Variants in MAP3K12 observed in about 807,000 individuals in gnomAD.
MAP3K12 encodes MAPK-upstream kinase.
MAP3K12 carries 14 observed loss-of-function variants against 87.5 expected under a neutral mutation model. The observed-to-expected ratio is 0.16, with a 90% CI of 0.11 to 0.25. The LOEUF (loss-of-function observed/expected upper bound fraction) is 0.25. MAP3K12 is among the 10% of genes least tolerant of loss of function. MAP3K12 has a pLI of 1.00. For missense variants in MAP3K12, 802 were observed against 1,140.4 expected (o/e 0.70, Z 4.27); for synonymous variants, 469 against 452.5 (o/e 1.04, Z -0.46).
At chr12:53,501,158 C>T (rs2137253291), upstream of MAP3K12, 4 of 552,834 alleles carry the variant, frequency 7.2e-6, no homozygotes, top group South Asian at 8.9e-5. Context: ...CGGCGGAGGG[C>T]CCGCTCCTCC....
At chr12:53,501,352 G>A, upstream of MAP3K12, 2 of 1,547,532 alleles carry the variant, frequency 1.3e-6, no homozygotes, top group Non-Finnish European at 1.7e-6. Context: ...CGTCGGCTGT[G>A]TATTGGGGCG....
chr12:53,492,756 CCCGCCCCCACCACCTCCCACT>C (rs1943447790), intron 1 of MAP3K12, among the ~76,000 whole-genome samples: 1 of 151,944 alleles, frequency 6.6e-6, no homozygotes. Context: ...AACCTCCCTC[CCCGCCCCCACCACCTCCCACT>C]CCGCCGCAAC....
chr12:53,482,278 T>C, intron 12 of MAP3K12, 21 bp downstream of exon 12: 1 of 1,614,072 alleles, frequency 6.2e-7, no homozygotes, highest in Non-Finnish European at 8.5e-7. Context: ...TGCCATTAAT[T>C]CTTGTAATGC....
chr12:53,495,945 A>C (rs946275229), intron 1 of MAP3K12, among the ~76,000 whole-genome samples: 2 of 152,096 alleles, frequency 1.3e-5, no homozygotes, highest in African/African-American at 4.8e-5. Flanking sequence ...CTATTTAGGA[A>C]AAAAGAATCA....
At chr12:53,496,463 T>G (rs775835050) in intron 1 of MAP3K12, among the ~76,000 whole-genome samples, 27 of 152,134 alleles carry the variant, frequency 1.8e-4, no homozygotes, top group Non-Finnish European at 3.2e-4. Flanking sequence ...CCCCTCAGCC[T>G]TACCCATGGA....
rs765169483 is a variant in MAP3K12, at chr12:53,483,152, G to T, written c.1651C>A (p.Leu551Ile). Residue 551 changes from leucine to isoleucine, a missense_variant, in exon 11 of 14, where the codon CTA (leucine) becomes ATA (isoleucine). Transcript: ENST00000547488. ...CCCACCCCACTCAGGGCTGCATCTAGTTTAGGGAGCAAAGACTCCGTCTTG... is the reference window on the plus strand; with the variant it reads ...CCCACCCCACTCAGGGCTGCATCTATTTTAGGGAGCAAAGACTCCGTCTTG... ...ILKTESLLPKLDAALSGVGLP... is the reference protein window; with the variant it reads ...ILKTESLLPKIDAALSGVGLP... 6.6e-7 allele frequency: 1 copy of T among 1,521,682 alleles called. No homozygotes were observed. Among genetic ancestry groups the T allele is most frequent in the Non-Finnish European group, 8.8e-7 (1 of 1,137,220 alleles). 94.3% of individuals were successfully genotyped at this position (1,521,682 alleles called of 1,614,324 possible). A position where few individuals can be genotyped will look rare whatever the true frequency, so the allele number is the denominator to read the frequency against.
In MAP3K12 at chr12:53,483,080, G is replaced by A. The variant is rs367940712; in HGVS notation, c.1723C>T (p.Arg575Cys). 6.5e-6 allele frequency: 10 copies of A among 1,537,208 alleles called. No individual in the cohort carries two copies. Among genetic ancestry groups the A allele is most frequent in the Admixed American group, 2.1e-5 (1 of 46,992 alleles). Residue 575 changes from arginine (R) to cysteine (C), a missense_variant, in exon 11 of 14, where the codon CGT becomes TGT. By Grantham distance (180) the Arg-to-Cys change is radical. Transcript: ENST00000547488. Reference protein sequence around the residue: ...KGPPSPGRSRRGKTRHRKASA... With the variant: ...KGPPSPGRSRCGKTRHRKASA... ...GCCTTGCGGTGACGGGTCTTGCCAC[G>A]GCGACTCCGTCCTGGTGAGGGGGGG...
chr12:53,495,426 T>C, intron 1 of MAP3K12, among the ~76,000 whole-genome samples: 1 of 141,674 alleles, frequency 7.1e-6, no homozygotes, highest in Admixed American at 7.3e-5. Flanking sequence ...CTGGCTAACA[T>C]GGTGAAACCC....
At position 53,482,949 on chromosome 12, in the gene MAP3K12, T is replaced by C. The variant is rs761114004; in HGVS notation, c.1854A>G (p.Ser618=). Residue 618 remains serine (S), a synonymous_variant, in exon 11 of 14, where the codon TCA becomes TCG. Coordinates refer to ENST00000547488, the MANE Select transcript of MAP3K12 (RefSeq NM_001193511.2). ...GSPGGLGGGP[S]AWEACPPALR... ...GGGCGGGAGGGCAGGCCTCCCAGGC[T>C]GAGGGTCCCCCTCCTAGGCCCCCTG... The C allele has an allele frequency of 1.9e-6, 3 of 1,604,482 alleles. No homozygotes were observed. Among genetic ancestry groups the C allele is most frequent in the African/African-American group, 2.7e-5 (2 of 74,784 alleles).
rs769928961 is a variant in MAP3K12, at chr12:53,487,068, G to A, written c.324C>T (p.Asp108=). 2.0e-5 allele frequency: 33 copies of A among 1,613,912 alleles called. No homozygotes were observed. The highest frequency in any genetic ancestry group is 3.3e-5 in the Admixed American group (2 of 60,000). Residue 108 remains aspartate, a synonymous_variant, in exon 2 of 14, where the codon GAC becomes GAT. Transcript: ENST00000547488. The part of the protein sequence containing the change: ...PESRASRVRA[D]EVRLQCQSGS... Reference sequence around the variant, plus strand: ...CACTCTGGCACTGCAGTCGCACCTCGTCAGCTCGAACTCTGGATGCCCGAC... The same window carrying A: ...CACTCTGGCACTGCAGTCGCACCTCATCAGCTCGAACTCTGGATGCCCGAC...
chr12:53,487,832 CAG>C (rs1276810756), intron 1 of MAP3K12: 2 of 174,892 alleles, frequency 1.1e-5, no homozygotes, highest in Admixed American at 5.5e-5. Flanking sequence ...CAGGCACACA[CAG>C]GTATCAGAAG....
intron 1 of MAP3K12, among the ~76,000 whole-genome samples, chr12:53,494,543 ACT>A (rs1458504023): frequency 2.0e-5 from 3 of 151,888 alleles, no homozygotes; most frequent in East Asian, 1.9e-4. Context: ...TGGCAGGTAA[ACT>A]CTCTGAATTC....
chr12:53,482,112 A>G lies in MAP3K12; in HGVS notation c.2409T>C (p.Ser803=), dbSNP rs2137172630. 3 of 1,614,226 alleles carry G rather than the reference A, an allele frequency of 1.9e-6. No homozygotes were observed. Among genetic ancestry groups the G allele is most frequent in the Non-Finnish European group, 2.5e-6 (3 of 1,180,044 alleles). The change falls in exon 13 of 14, where the codon AGT becomes AGC. Residue 803 remains serine (S), a synonymous_variant. Transcript: ENST00000547488. ...EEGTASEPSP[S]GTPEVGSTNT... is the part of the protein sequence containing the mutation. The stretch of plus-strand genomic sequence containing the variant: ...TGGTGCTGCCAACTTCAGGTGTGCC[A>G]CTGGGGGAAGGTTCACTAGCTGTGC...
In MAP3K12 at chr12:53,480,686, T is replaced by C. The variant is rs558124349; in HGVS notation, c.*496A>G. 2 of 152,568 alleles carry C rather than the reference T, an allele frequency of 1.3e-5. No individual in the cohort carries two copies. Among genetic ancestry groups the C allele is most frequent in the African/African-American group, 2.4e-5 (1 of 41,486 alleles). 9.5% of individuals were successfully genotyped at this position (152,568 alleles called of 1,614,324 possible). ...ACAGGGCTTGGGCAGAGAAGATAAA[T>C]GGTGGGACAAAAAAATGAGTTACAT... On this transcript the variant is annotated 3_prime_UTR_variant, in exon 14 of 14. Coordinates refer to ENST00000547488, the MANE Select transcript of MAP3K12 (RefSeq NM_001193511.2).
At chr12:53,482,505 T>G (rs17099739) in intron 11 of MAP3K12, 60 bp downstream of exon 11, 1 of 1,602,060 alleles carries the variant, frequency 6.2e-7, no homozygotes, top group Non-Finnish European at 8.5e-7. Flanking sequence ...GGGATTAGAC[T>G]TGGACCCCAG....
chr12:53,482,683 C>T lies in MAP3K12; in HGVS notation c.2120G>A (p.Gly707Asp), dbSNP rs112647599. The T allele has an allele frequency of 1.2e-6, 2 of 1,613,906 alleles. No individual in the cohort carries two copies. Among genetic ancestry groups the T allele is most frequent in the South Asian group, 2.2e-5 (2 of 91,096 alleles). The change falls in exon 11 of 14, where the codon GGT becomes GAT. Residue 707 changes from glycine to aspartate, a missense_variant. By Grantham distance (94) the Gly-to-Asp change is moderately conservative. Around this residue, in one of 5 missense-constraint regions of MAP3K12, gnomAD observed 490 missense variants for 496.6 expected, o/e 0.99. Transcript: ENST00000547488. ...CCTTCCAGTTCCCAGAAGCCCCACA[C>T]CTTCACCAGGCCCTACTGGAGGAGG... Reference protein sequence around the residue: ...EPPPPVGPGEGVGLLGTGREG... With the variant: ...EPPPPVGPGEDVGLLGTGREG...
rs1423149530 is a variant in MAP3K12, at chr12:53,487,198, G to A, written c.194C>T (p.Pro65Leu). Residue 65 changes from proline (P) to leucine (L), a missense_variant, in exon 2 of 14, where the codon CCC (proline) becomes CTC (leucine). Transcript: ENST00000547488. Reference sequence around the variant, plus strand: ...AGGGGGCGGCTCTCCACCTGGGGAGGGGCTGGGCCCTCCCCCACCCTGCCC... The same window carrying A: ...AGGGGGCGGCTCTCCACCTGGGGAGAGGCTGGGCCCTCCCCCACCCTGCCC... Reference protein sequence around the residue: ...LGGQGGGGPSPSPGGEPPPEP... With the variant: ...LGGQGGGGPSLSPGGEPPPEP... The A allele has an allele frequency of 2.5e-6, 4 of 1,613,996 alleles. No individual in the cohort carries two copies. Among genetic ancestry groups the A allele is most frequent in the Non-Finnish European group, 3.4e-6 (4 of 1,179,934 alleles).
chr12:53,486,921 G>GACA lies in MAP3K12; in HGVS notation c.445+25_445+26insTGT. ...ATCTCGGGCTCAGGGAAACAGAGAGGAGGCTCCCACAAGGACGTGGCCTAC... is the reference window on the plus strand; with the variant it reads ...ATCTCGGGCTCAGGGAAACAGAGAGGACAAGGCTCCCACAAGGACGTGGCCTAC... On this transcript the variant is annotated intron_variant, in intron 2 of 13. Coordinates refer to ENST00000547488, the MANE Select transcript of MAP3K12 (RefSeq NM_001193511.2). The surrounding 1 kb of genome is among the most constrained non-coding windows in gnomAD (Gnocchi z 4.9). 2 of 1,608,698 alleles carry GACA rather than the reference G, an allele frequency of 1.2e-6. No individual in the cohort carries two copies. The highest frequency in any genetic ancestry group is 1.7e-6 in the Non-Finnish European group (2 of 1,175,842).
At chr12:53,501,241 T>C (rs1284729551), upstream of MAP3K12, 1 of 703,326 alleles carries the variant, frequency 1.4e-6, no homozygotes, top group South Asian at 1.8e-5. Context: ...CCCCTCCAGA[T>C]GGAGGCTCAC....
Sources: allele counts gnomAD v4.1 joint callset (sites outside exome capture counted in the v4.1 genomes callset), GRCh38; gene constraint gnomAD v4.1.1; regional missense constraint gnomAD v4.1.1; non-coding constraint Gnocchi (gnomAD v3.1); transcripts MANE v1.5; gene names NCBI Gene and HGNC (gene_info 2026-07-23, HGNC 2026-07-21).